GBF1: variants seen among roughly 807,000 people sequenced by gnomAD.
GBF1 encodes golgi brefeldin A resistant guanine nucleotide exchange factor 1, also known as Golgi-specific brefeldin A-resistance guanine nucleotide exchange factor 1.
GBF1 carries 114 observed loss-of-function variants against 210.5 expected under a neutral mutation model. The observed-to-expected ratio is 0.54, with a 90% CI of 0.47 to 0.63. The LOEUF is 0.63. Ranked by LOEUF, GBF1 falls within the 30% of genes least tolerant of loss-of-function variation. The probability of loss-of-function intolerance (pLI) is 0.00; values close to 1 mark genes in which losing one functional copy is unlikely to be tolerated. For synonymous variants in GBF1, 850 were observed against 889.2 expected (o/e 0.96, Z 0.78); for missense variants, 1,851 against 2,357.7 (o/e 0.79, Z 4.45).
At chr10:102,344,843 A>G (rs191042604) in intron 4 of GBF1, among the ~76,000 whole-genome samples, 1 of 152,292 alleles carries the variant, frequency 6.6e-6, no homozygotes, top group East Asian at 1.9e-4. Context: ...AAGAAGACAG[A>G]CAATAGAGAT....
intron 3 of GBF1, among the ~76,000 whole-genome samples, chr10:102,332,274 A>T (rs1259149661): frequency 6.6e-6 from 1 of 152,156 alleles, no homozygotes; most frequent in African/African-American, 2.4e-5. Flanking sequence ...AAGTTTGTAG[A>T]TGTTCAGTAC....
At chr10:102,344,706 T>G (rs1168183286) in intron 4 of GBF1, among the ~76,000 whole-genome samples, 1 of 152,006 alleles carries the variant, frequency 6.6e-6, no homozygotes, top group Admixed American at 6.6e-5. Context: ...GGTTTCGATC[T>G]CCTGACCTCA....
upstream of GBF1, among the ~76,000 whole-genome samples, chr10:102,241,959 C>T (rs1002741938): frequency 6.6e-6 from 1 of 152,210 alleles, no homozygotes; most frequent in Non-Finnish European, 1.5e-5. This position sits in a 1 kb window ranked among gnomAD's most constrained non-coding sequence, Gnocchi z 6.7. Context: ...CAAGTTTCGC[C>T]GATTTTCTCC....
intron 3 of GBF1, among the ~76,000 whole-genome samples, chr10:102,317,021 T>C: frequency 6.6e-6 from 1 of 152,338 alleles, no homozygotes; most frequent in East Asian, 1.9e-4. Flanking sequence ...AGTGCTCATA[T>C]TAAGTTTTGG....
chr10:102,287,344 C>CTTT lies in GBF1; in HGVS notation c.163+27253_163+27255dup, dbSNP rs763880492. Among the ~76,000 whole-genome samples, 32 of 69,518 alleles carry CTTT rather than the reference C, an allele frequency of 4.6e-4. 2 individuals are homozygous for CTTT. Among genetic ancestry groups the CTTT allele is most frequent in the African/African-American group, 1.6e-3 (23 of 14,772 alleles). 45.6% of individuals were successfully genotyped at this position (69,518 alleles called of 152,430 possible). Reference sequence around the variant, plus strand: ...CACACAGTTTCTTTTATTTTATTTTCTTTTTTTTTTTTTTTTTTTTTTTTT... The same window carrying CTTT: ...CACACAGTTTCTTTTATTTTATTTTCTTTTTTTTTTTTTTTTTTTTTTTTTTTT... On this transcript the variant is annotated intron_variant, in intron 3 of 39. Transcript: ENST00000369983.
At chr10:102,235,062 A>G in the GBF1 span, among the ~76,000 whole-genome samples, 183 of 151,952 alleles carry the variant, frequency 1.2e-3, no homozygotes, top group African/African-American at 4.1e-3. Context: ...TCTCCCACAC[A>G]TGCGCTGCCA....
intron 4 of GBF1, among the ~76,000 whole-genome samples, chr10:102,349,188 A>G (rs2058771206): frequency 6.6e-6 from 1 of 152,088 alleles, no homozygotes. Context: ...TTAGGTTCTC[A>G]GCCATCCCCT....
At chr10:102,333,095 C>A (rs1589670108) in intron 3 of GBF1, among the ~76,000 whole-genome samples, 1 of 152,314 alleles carries the variant, frequency 6.6e-6, no homozygotes, top group South Asian at 2.1e-4. Context: ...ACCACCTTCC[C>A]CAGGAAATCC....
At chr10:102,250,561 C>G (rs987901272) in intron 1 of GBF1, among the ~76,000 whole-genome samples, 3 of 148,540 alleles carry the variant, frequency 2.0e-5, no homozygotes, top group Admixed American at 6.8e-5. Context: ...GTTGCCTAGG[C>G]TGGTCTCTGA....
rs1487641490 is a variant in GBF1 at position 102,353,595 on chromosome 10, T to TA, written c.585-4dup. The TA allele has an allele frequency of 1.1e-5, 18 of 1,592,376 alleles. No homozygotes were observed. Among genetic ancestry groups the TA allele is most frequent in the Non-Finnish European group, 1.6e-5 (18 of 1,160,290 alleles). On this transcript the variant is annotated splice_polypyrimidine_tract_variant and splice_region_variant and intron_variant, in intron 7 of 39. Coordinates refer to ENST00000369983, the MANE Select transcript of GBF1 (RefSeq NM_001377137.1). Reference sequence around the variant, plus strand: ...ATGACAGTTGATGGATTTTCTATCTTATAGGTTACCTCAGTTTAAAGAAGA... The same window carrying TA: ...ATGACAGTTGATGGATTTTCTATCTTAATAGGTTACCTCAGTTTAAAGAAGA...
At chr10:102,307,387 A>G (rs1223052391) in intron 3 of GBF1, among the ~76,000 whole-genome samples, 2 of 142,046 alleles carry the variant, frequency 1.4e-5, no homozygotes, top group Non-Finnish European at 3.0e-5. Flanking sequence ...AATACAGTAC[A>G]TTTTTGCTTT....
chr10:102,370,607 A>G (rs1199573111), intron 28 of GBF1, 100 bp from the exon 29 acceptor site: 1 of 1,332,168 alleles, frequency 7.5e-7, no homozygotes, highest in African/African-American at 1.4e-5. Context: ...ATACCTGTCT[A>G]CTTAGGGTAT....
At chr10:102,294,952 A>G in intron 3 of GBF1, among the ~76,000 whole-genome samples, 1 of 152,228 alleles carries the variant, frequency 6.6e-6, no homozygotes, top group African/African-American at 2.4e-5. Flanking sequence ...TCCTTAAGCA[A>G]TGAATGCATA....
At position 102,368,721 on chromosome 10, in the gene GBF1, T is replaced by TG. The variant is rs778110152; in HGVS notation, c.2880-12dup. ...CCTTCCAGTGACTCTGTTTCTGGGA[T>TG]GGGGGGTAACATTACAGGAAGTGCG... is the stretch of plus-strand genomic sequence containing the variant. On this transcript the variant is annotated splice_polypyrimidine_tract_variant and intron_variant, in intron 22 of 39. Transcript: ENST00000369983. 6.7e-5 allele frequency: 105 copies of TG among 1,577,384 alleles called. No homozygotes were observed. The Middle Eastern group carries it at 3.7e-3, about 55-fold the overall frequency.
intron 29 of GBF1, 38 bp from the exon 30 acceptor site, chr10:102,375,321 T>A (rs1338502483): frequency 8.4e-7 from 1 of 1,191,890 alleles, no homozygotes; most frequent in Admixed American, 1.7e-5. Flanking sequence ...CCCACACAGC[T>A]CCCCGCTTCC....
intron 3 of GBF1, among the ~76,000 whole-genome samples, chr10:102,335,264 A>G (rs943713326): frequency 2.0e-5 from 3 of 151,992 alleles, no homozygotes; most frequent in Non-Finnish European, 4.4e-5. Flanking sequence ...ATCTTAGAAC[A>G]TGGACCAGTC....
rs563889155 is a variant in GBF1 at position 102,328,030 on chromosome 10, G to A, written c.164-16021G>A. Among the ~76,000 whole-genome samples, 7 of 152,288 alleles carry A rather than the reference G, an allele frequency of 4.6e-5. No homozygotes were observed. The South Asian group carries it at 1.5e-3, about 32-fold the overall frequency. On this transcript the variant is annotated intron_variant, in intron 3 of 39. Transcript: ENST00000369983. ...CTTCCATAAGCTTTATTTGTTTACT[G>A]TCCAGCTCACAGACATGTCTAGAGA... is the stretch of plus-strand genomic sequence containing the variant.
chr10:102,315,784 T>G (rs772026), intron 3 of GBF1, among the ~76,000 whole-genome samples: 52,037 of 151,996 alleles, frequency 0.34, 9,298 homozygotes, highest in South Asian at 0.48. Flanking sequence ...TCCATGGCCT[T>G]GGGGTTGGGG....
chr10:102,361,864 C>T lies in GBF1; in HGVS notation c.1638C>T (p.Asp546=). 6.2e-7 allele frequency: 1 copy of T among 1,613,666 alleles called. No homozygotes were observed. Among genetic ancestry groups the T allele is most frequent in the South Asian group, 1.1e-5 (1 of 91,040 alleles). The change falls in exon 14 of 40, where the codon GAC becomes GAT. Residue 546 remains aspartate, a synonymous_variant. Coordinates refer to ENST00000369983, the MANE Select transcript of GBF1 (RefSeq NM_001377137.1). ...AGCTCTACATCAACTATGATTGTGA[C>T]TACTACTGTTCCAACCTCTTTGAGG... ...VTELYINYDC[D]YYCSNLFEEL... is the part of the protein sequence containing the mutation.
Sources: gnomAD v4.1 joint callset for allele counts (sites outside exome capture counted in the v4.1 genomes callset) on GRCh38, gnomAD v4.1.1 for gene constraint, Gnocchi (gnomAD v3.1) non-coding constraint, MANE v1.5 for transcripts, NCBI Gene and HGNC (gene_info 2026-07-23, HGNC 2026-07-21) for gene names.